The following PCDH11X variants were observed in gnomAD, a reference collection of about 807,000 sequenced individuals.
PCDH11X encodes protocadherin 11 X-linked, also known as protocadherin-11 X-linked.
A neutral mutation model predicts 53.3 loss-of-function variants in PCDH11X; 18 were observed. The ratio of observed to expected loss-of-function variants is 0.34; its 90% CI spans 0.23 to 0.50. PCDH11X has a LOEUF of 0.50. Among genes scored for constraint, PCDH11X ranks in the 20% least tolerant of loss-of-function variants. The pLI, the probability that PCDH11X is intolerant of heterozygous loss-of-function variation, is 0.98. For synonymous variants in PCDH11X, 279 were observed against 393.3 expected (o/e 0.71, Z 3.44); for missense variants, 570 against 1,032.4 (o/e 0.55, Z 6.14).
At chrX:91,825,636 C>A (rs1936895431) in intron 4 of PCDH11X, among the ~76,000 whole-genome samples, 1 of 110,238 alleles carries the variant, frequency 9.1e-6, no homozygotes, top group South Asian at 3.8e-4. Flanking sequence ...CACCTGTCTT[C>A]TGCGTCGCTC....
At chrX:91,893,875 A>G (rs1414055564) in intron 6 of PCDH11X, among the ~76,000 whole-genome samples, 4 of 111,991 alleles carry the variant, frequency 3.6e-5, no homozygotes, top group African/African-American at 1.3e-4. Context: ...CTTGGCACTT[A>G]CATTGAAAGC....
chrX:92,196,177 T>G (rs918342539), intron 6 of PCDH11X, among the ~76,000 whole-genome samples: 7 of 111,959 alleles, frequency 6.3e-5, no homozygotes, highest in Non-Finnish European at 1.1e-4. Flanking sequence ...AGTCTAAACG[T>G]ATTTTATCCA....
chrX:91,816,458 T>G (rs1936455018), intron 4 of PCDH11X, among the ~76,000 whole-genome samples: 1 of 111,457 alleles, frequency 9.0e-6, no homozygotes. Context: ...TACTAGTTAT[T>G]TAACTTTTTT....
At chrX:92,143,837 C>T (rs754259735) in intron 6 of PCDH11X, among the ~76,000 whole-genome samples, 8 of 111,419 alleles carry the variant, frequency 7.2e-5, no homozygotes, top group South Asian at 7.6e-4. Flanking sequence ...CTGGAAAAGC[C>T]GCAGACACTC....
intron 8 of PCDH11X, among the ~76,000 whole-genome samples, chrX:92,272,763 T>C (rs75202835): frequency 0.043 from 4,788 of 112,120 alleles, 165 homozygotes; most frequent in East Asian, 0.26. Context: ...GTGTCAAATC[T>C]AGTGCTTGGT....
intron 6 of PCDH11X, among the ~76,000 whole-genome samples, chrX:92,085,028 T>C (rs1176554553): frequency 1.8e-5 from 2 of 110,492 alleles, no homozygotes; most frequent in African/African-American, 6.6e-5. Context: ...AGCAAGTTCA[T>C]GAATGAGGCG....
chrX:92,353,685 T>C (rs1427621962), intron 8 of PCDH11X, among the ~76,000 whole-genome samples: 1 of 108,584 alleles, frequency 9.2e-6, no homozygotes, highest in East Asian at 2.9e-4. Context: ...GGGGTACATA[T>C]AGTAAGTTTT....
chrX:92,233,078 A>G (rs1177783115), intron 7 of PCDH11X, among the ~76,000 whole-genome samples: 1 of 110,609 alleles, frequency 9.0e-6, no homozygotes, highest in African/African-American at 3.3e-5. Context: ...GTCCTTATCC[A>G]TTGCTTCTTT....
intron 1 of PCDH11X, among the ~76,000 whole-genome samples, chrX:91,796,424 T>C (rs1237682613): frequency 9.0e-6 from 1 of 111,408 alleles, no homozygotes; most frequent in Non-Finnish European, 1.9e-5. Context: ...GAAACTACTA[T>C]ATAGATAAAT....
chrX:91,844,172 G>A (rs1309804364), intron 5 of PCDH11X, among the ~76,000 whole-genome samples: 2 of 111,409 alleles, frequency 1.8e-5, no homozygotes, highest in Non-Finnish European at 3.8e-5. Flanking sequence ...TCCTTAAAAA[G>A]CCTATTTTAC....
At chrX:92,185,551 CA>C (rs1391207841) in intron 6 of PCDH11X, among the ~76,000 whole-genome samples, 1 of 111,355 alleles carries the variant, frequency 9.0e-6, no homozygotes, top group Non-Finnish European at 1.9e-5. Context: ...GCAAAAGAAA[CA>C]ATCAACAGAG....
chrX:92,058,799 G>A (rs1366714999), intron 6 of PCDH11X, among the ~76,000 whole-genome samples: 1 of 107,045 alleles, frequency 9.3e-6, no homozygotes, highest in African/African-American at 3.4e-5. Context: ...TAAATATTCA[G>A]ATTCAAAATA....
intron 7 of PCDH11X, among the ~76,000 whole-genome samples, chrX:92,228,534 G>A (rs1446986118): frequency 9.0e-6 from 1 of 111,060 alleles, no homozygotes. Flanking sequence ...GTCAAACCCG[G>A]GTTTCAATCT....
chrX:92,584,856 C>T lies in PCDH11X; in HGVS notation c.3368-33408C>T, dbSNP rs773743373. ...TTGCCCAGGCTGAAGTGTAATGGCA[C>T]AATCAGGGCTCACCACAATCTCTGC... On this transcript the variant is annotated intron_variant, in intron 10 of 10. Transcript: ENST00000682573. 3.3e-5 allele frequency among the ~76,000 whole-genome samples: 3 copies of T among 92,262 alleles called. No homozygotes were observed. In the East Asian group the frequency reaches 1.1e-3, roughly 33 times the overall value. 80.1% of individuals were successfully genotyped at this position (92,262 alleles called of 115,157 possible). A position where few individuals can be genotyped will look rare whatever the true frequency, so the allele number is the denominator to read the frequency against.
chrX:92,132,687 GTA>G (rs369282634), intron 6 of PCDH11X, among the ~76,000 whole-genome samples: 9,439 of 67,558 alleles, frequency 0.14, 650 homozygotes, highest in East Asian at 0.53. Flanking sequence ...ATATATATAT[GTA>G]TATATATATA....
intron 10 of PCDH11X, among the ~76,000 whole-genome samples, chrX:92,589,173 A>C (rs1924742566): frequency 8.9e-6 from 1 of 111,775 alleles, no homozygotes; most frequent in Non-Finnish European, 1.9e-5. Context: ...TTTCATTAAC[A>C]CCAGACCTCT....
intron 9 of PCDH11X, among the ~76,000 whole-genome samples, chrX:92,408,564 T>TA (rs1197097206): frequency 8.1e-5 from 9 of 110,431 alleles, no homozygotes; most frequent in African/African-American, 9.9e-5. Context: ...AAATAGTATT[T>TA]TTTTTATTTT....
At chrX:92,534,942 C>T (rs1415205192) in intron 10 of PCDH11X, among the ~76,000 whole-genome samples, 1 of 111,428 alleles carries the variant, frequency 9.0e-6, no homozygotes, top group East Asian at 2.8e-4. Flanking sequence ...CCAGCCACTA[C>T]AAACACGTGC....
Position 91,935,923 on chromosome X carries a change from T to C in PCDH11X, c.3033+56650T>C, listed in dbSNP as rs146536068. ...AAGTCTAGATTATTATAAGCGCTTG[T>C]GAGGACCTAGGATTTCTCATGCAAA... is the stretch of plus-strand genomic sequence containing the variant. On this transcript the variant is annotated intron_variant, in intron 6 of 10. Transcript: ENST00000682573. Among the ~76,000 whole-genome samples, 695 of 109,817 alleles carry C rather than the reference T, an allele frequency of 6.3e-3. 5 individuals carry two copies. The highest frequency in any genetic ancestry group is 0.022 in the African/African-American group (673 of 30,202).
Sources: gnomAD v4.1 joint callset for allele counts (sites outside exome capture counted in the v4.1 genomes callset) on GRCh38, gnomAD v4.1.1 for gene constraint, MANE v1.5 for transcripts, NCBI Gene and HGNC (gene_info 2026-07-23, HGNC 2026-07-21) for gene names.